ZNF234: variants seen among roughly 807,000 people sequenced by gnomAD.
ZNF234 encodes the protein C2-H2 type zinc finger protein.
A neutral mutation model predicts 10.3 loss-of-function variants in ZNF234; 4 were observed. That is an observed-to-expected ratio of 0.39 (90% CI 0.19 to 0.89). The LOEUF (loss-of-function observed/expected upper bound fraction) is 0.89, where lower values mean the gene tolerates loss of function less well. Ranked by LOEUF, ZNF234 falls within the 40% of genes least tolerant of loss-of-function variation. ZNF234 has a pLI of 0.38. For missense variants in ZNF234, 711 were observed against 836.1 expected, an observed-to-expected ratio of 0.85 and a Z score of 1.85; for synonymous variants, 258 against 280.1, an observed-to-expected ratio of 0.92 and a Z score of 0.79.
At chr19:44,145,029 G>C (rs983901620) in intron 3 of ZNF234, among the ~76,000 whole-genome samples, 1 of 152,186 alleles carries the variant, frequency 6.6e-6, no homozygotes, top group South Asian at 2.1e-4. Context: ...AGGGACTTGA[G>C]CATCCACAAA....
intron 2 of ZNF234, among the ~76,000 whole-genome samples, chr19:44,143,172 G>T (rs568669167): frequency 8.5e-6 from 1 of 117,840 alleles, no homozygotes; most frequent in Non-Finnish European, 1.5e-5. Flanking sequence ...AAGAGGGCAG[G>T]GCATGGTGGG....
rs764285863 is a variant in ZNF234 at position 44,156,627 on chromosome 19, A to G, written c.611A>G (p.Tyr204Cys). The change falls in exon 6 of 6, where the codon TAT becomes TGT. Residue 204 changes from tyrosine to cysteine, a missense_variant. By Grantham distance (194) the Tyr-to-Cys change is radical. Coordinates refer to ENST00000426739, the MANE Select transcript of ZNF234 (RefSeq NM_006630.3). The part of the protein sequence containing the change: ...HQRVHMGEKC[Y>C]KCDVCGKEFS... ...AGAGTCCACATGGGAGAGAAATGCT[A>G]TAAGTGTGACGTGTGTGGTAAGGAA... is the stretch of plus-strand genomic sequence containing the variant. The G allele has an allele frequency of 1.3e-5, 21 of 1,614,186 alleles. No individual in the cohort carries two copies. The highest frequency in any genetic ancestry group is 2.2e-5 in the East Asian group (1 of 44,870).
chr19:44,148,804 T>C lies in ZNF234; in HGVS notation c.49T>C (p.Phe17Leu). 6.2e-7 allele frequency: 1 copy of C among 1,613,974 alleles called. No individual in the cohort carries two copies. The highest frequency in any genetic ancestry group is 8.5e-7 in the Non-Finnish European group (1 of 1,179,894). ...GACCTTCAAGGATGTGGCTGTGGTC[T>C]TCACTGAGGAGGAGCTGGGGCTGCT... is the stretch of plus-strand genomic sequence containing the variant. ...GLTFKDVAVVFTEEELGLLDP... is the reference protein window; with the variant it reads ...GLTFKDVAVVLTEEELGLLDP... Residue 17 changes from phenylalanine (F) to leucine (L), a missense_variant, in exon 4 of 6, where the codon TTC (phenylalanine) becomes CTC (leucine). Physicochemically the swap from Phe to Leu is conservative, Grantham distance 22. Transcript: ENST00000426739.
chr19:44,157,411 C>G lies in ZNF234; in HGVS notation c.1395C>G (p.Phe465Leu). 1 of 1,613,918 alleles carries G rather than the reference C, an allele frequency of 6.2e-7. No individual in the cohort carries two copies. Among genetic ancestry groups the G allele is most frequent in the Non-Finnish European group, 8.5e-7 (1 of 1,179,858 alleles). ...PFKCEECGQG[F>L]NQSSRLQIHQ... The stretch of plus-strand genomic sequence containing the variant: ...AGTGTGAAGAGTGTGGGCAGGGCTT[C>G]AATCAGAGCTCACGACTTCAGATTC... The change falls in exon 6 of 6, where the codon TTC becomes TTG. Residue 465 changes from phenylalanine (F) to leucine (L), a missense_variant. By Grantham distance (22) the Phe-to-Leu change is conservative. Coordinates refer to ENST00000426739, the MANE Select transcript of ZNF234 (RefSeq NM_006630.3).
Position 44,148,889 on chromosome 19 carries a change from TG to T in ZNF234, c.135del (p.Ser46GlnfsTer14). Reference sequence around the variant, plus strand: ...ATGCTGGAGAACTTCAGGAACCTGCTGTCAGTGGGTGAGGACATGAGCTTTC... The same window carrying T: ...ATGCTGGAGAACTTCAGGAACCTGCTTCAGTGGGTGAGGACATGAGCTTTC... ...DVMLENFRNL[L>X]SVGHHPFKHD... On this transcript the variant is annotated frameshift_variant, in exon 4 of 6. Coordinates refer to ENST00000426739, the MANE Select transcript of ZNF234 (RefSeq NM_006630.3). LOFTEE classifies it high-confidence loss of function. 6.2e-7 allele frequency: 1 copy of T among 1,613,418 alleles called. No homozygotes were observed. Among genetic ancestry groups the T allele is most frequent in the African/African-American group, 1.3e-5 (1 of 75,016 alleles).
At chr19:44,146,806 C>CTTTTT (rs60083912) in intron 3 of ZNF234, among the ~76,000 whole-genome samples, 1 of 83,284 alleles carries the variant, frequency 1.2e-5, no homozygotes, top group Non-Finnish European at 2.5e-5. Flanking sequence ...CTCTCTCTCT[C>CTTTTT]TTTTTTTTTT....
Position 44,157,501 on chromosome 19 carries a change from T to C in ZNF234, c.1485T>C (p.Arg495=). Reference sequence around the variant, plus strand: ...AAGAGTGCGGAAAGGGATTTAGTCGTAGAGCAGATCTTAAAATTCATTGTA... The same window carrying C: ...AAGAGTGCGGAAAGGGATTTAGTCGCAGAGCAGATCTTAAAATTCATTGTA... ...KCEECGKGFS[R]RADLKIHCRI... is the part of the protein sequence containing the mutation. Residue 495 remains arginine, a synonymous_variant, in exon 6 of 6, where the codon CGT becomes CGC. Transcript: ENST00000426739. The C allele has an allele frequency of 6.2e-7, 1 of 1,613,964 alleles. No individual in the cohort carries two copies. Among genetic ancestry groups the C allele is most frequent in the Non-Finnish European group, 8.5e-7 (1 of 1,179,962 alleles).
At chr19:44,156,151 A>G (rs1968873997) in intron 5 of ZNF234, 101 bp from the exon 6 acceptor site, 2 of 1,055,144 alleles carry the variant, frequency 1.9e-6, no homozygotes, top group South Asian at 3.3e-5. Flanking sequence ...CACAAACTGG[A>G]CCTTCTCTGG....
rs1568548488 is a variant in ZNF234, at chr19:44,144,603, C to G, written c.-30C>G. On this transcript the variant is annotated 5_prime_UTR_variant, in exon 3 of 6. Coordinates refer to ENST00000426739, the MANE Select transcript of ZNF234 (RefSeq NM_006630.3). ...TTCTCTCAAATGGCATAACTCAGGA[C>G]TCTGCAAATTCCCAGAAACAGGAGG... 12 of 1,561,004 alleles carry G rather than the reference C, an allele frequency of 7.7e-6. No individual in the cohort carries two copies. The highest frequency in any genetic ancestry group is 1.4e-5 in the African/African-American group (1 of 73,910).
chr19:44,151,492 C>T (rs556285764), intron 5 of ZNF234, among the ~76,000 whole-genome samples: 175 of 152,296 alleles, frequency 1.1e-3, no homozygotes, highest in African/African-American at 3.9e-3. Flanking sequence ...CCACTGTGCC[C>T]GACCTGGACA....
intron 3 of ZNF234, among the ~76,000 whole-genome samples, chr19:44,145,903 TG>T (rs1345558165): frequency 3.9e-5 from 6 of 152,242 alleles, no homozygotes; most frequent in Admixed American, 3.9e-4. Flanking sequence ...TCATTTAAAA[TG>T]TCCAGTGACA....
chr19:44,153,524 C>A (rs1490230910), intron 5 of ZNF234, among the ~76,000 whole-genome samples: 1 of 152,074 alleles, frequency 6.6e-6, no homozygotes, highest in African/African-American at 2.4e-5. Context: ...ATTTATTTCA[C>A]AGCTCACTAA....
chr19:44,158,193 C>A lies in ZNF234; in HGVS notation c.*74C>A, dbSNP rs775085859. 17 of 1,416,510 alleles carry A rather than the reference C, an allele frequency of 1.2e-5. No homozygotes were observed. Among genetic ancestry groups the A allele is most frequent in the Non-Finnish European group, 1.7e-5 (17 of 1,015,552 alleles). The allele number at this position is 1,416,510 out of a possible 1,614,324, so 87.7% of individuals were successfully genotyped here. ...AGATTTCATAGGAGGGAAAAATTTT[C>A]TTTATCAACCTCTTTGAATTTATTT... On this transcript the variant is annotated 3_prime_UTR_variant, in exon 6 of 6. Coordinates refer to ENST00000426739, the MANE Select transcript of ZNF234 (RefSeq NM_006630.3).
At chr19:44,144,525 C>T (rs1178963856) in intron 2 of ZNF234, 32 bp from the exon 3 acceptor site, 5 of 1,036,074 alleles carry the variant, frequency 4.8e-6, no homozygotes, top group Non-Finnish European at 6.7e-6. Context: ...TCCCTGGCCA[C>T]GCTTTCATGT....
At chr19:44,143,649 T>C (rs113151585) in intron 2 of ZNF234, among the ~76,000 whole-genome samples, 3 of 147,906 alleles carry the variant, frequency 2.0e-5, no homozygotes, top group African/African-American at 7.5e-5. Flanking sequence ...CCGTCTCTAC[T>C]AAAGATACAA....
At chr19:44,151,245 C>T (rs904917367) in intron 5 of ZNF234, among the ~76,000 whole-genome samples, 1 of 152,072 alleles carries the variant, frequency 6.6e-6, no homozygotes, top group Non-Finnish European at 1.5e-5. Flanking sequence ...CTCTGTCGCC[C>T]AGGCTGGAGT....
At chr19:44,147,698 C>CA (rs1968633992) in intron 3 of ZNF234, among the ~76,000 whole-genome samples, 1 of 151,948 alleles carries the variant, frequency 6.6e-6, no homozygotes, top group Admixed American at 6.6e-5. Flanking sequence ...ACTAAAAATA[C>CA]AAAATTAGCT....
chr19:44,157,518 T>C lies in ZNF234; in HGVS notation c.1502T>C (p.Ile501Thr). The C allele has an allele frequency of 1.2e-6, 2 of 1,613,934 alleles. No homozygotes were observed. Among genetic ancestry groups the C allele is most frequent in the Non-Finnish European group, 1.7e-6 (2 of 1,179,970 alleles). ...TTTAGTCGTAGAGCAGATCTTAAAA[T>C]TCATTGTAGGATCCACACAGGGGAG... ...KGFSRRADLKIHCRIHTGEKP... is the reference protein window; with the variant it reads ...KGFSRRADLKTHCRIHTGEKP... The change falls in exon 6 of 6, where the codon ATT becomes ACT. Residue 501 changes from isoleucine to threonine, a missense_variant. Ile to Thr is a moderately conservative substitution (Grantham distance 89). Coordinates refer to ENST00000426739, the MANE Select transcript of ZNF234 (RefSeq NM_006630.3).
In ZNF234 at chr19:44,157,614, T is replaced by G; in HGVS notation, c.1598T>G (p.Val533Gly). Residue 533 changes from valine (V) to glycine (G), a missense_variant, in exon 6 of 6, where the codon GTT becomes GGT. Val to Gly is a moderately radical substitution (Grantham distance 109). Transcript: ENST00000426739. ...QASHLLTHQRVHSGEKPFKCE... is the reference protein window; with the variant it reads ...QASHLLTHQRGHSGEKPFKCE... ...TCGCATCTTCTAACCCATCAGAGAG[T>G]TCACAGTGGGGAAAAACCATTTAAA... 1 of 1,612,846 alleles carries G rather than the reference T, an allele frequency of 6.2e-7. No homozygotes were observed. The highest frequency in any genetic ancestry group is 2.2e-5 in the East Asian group (1 of 44,820).
Sources: allele counts gnomAD v4.1 joint callset (sites outside exome capture counted in the v4.1 genomes callset), GRCh38; gene constraint gnomAD v4.1.1; transcripts MANE v1.5; gene names NCBI Gene and HGNC (gene_info 2026-07-23, HGNC 2026-07-21).